AK5: variants seen among roughly 807,000 people sequenced by gnomAD.
The protein encoded by AK5 is adenylate kinase isoenzyme 5.
A neutral mutation model predicts 69.5 loss-of-function variants in AK5; 27 were observed. The ratio of observed to expected loss-of-function variants is 0.39; its 90% CI spans 0.29 to 0.54. AK5 has a LOEUF of 0.54. Ranked by LOEUF, AK5 falls within the 20% of genes least tolerant of loss-of-function variation. The pLI is 0.71. For synonymous variants in AK5, 260 were observed against 244.4 expected (o/e 1.06, Z -0.60); for missense variants, 531 against 700.4 (o/e 0.76, Z 2.73).
chr1:77,299,397 A>C (rs1381297513), intron 5 of AK5, among the ~76,000 whole-genome samples: 1 of 152,120 alleles, frequency 6.6e-6, no homozygotes, highest in African/African-American at 2.4e-5. Flanking sequence ...GTAAAATATG[A>C]TGTCAGTTTA....
chr1:77,548,287 A>C (rs1160383444), intron 13 of AK5, among the ~76,000 whole-genome samples: 1 of 152,178 alleles, frequency 6.6e-6, no homozygotes, highest in African/African-American at 2.4e-5. Flanking sequence ...TTTGATAACG[A>C]GGAGAACTGT....
At chr1:77,320,124 A>C (rs1011431013) in intron 5 of AK5, among the ~76,000 whole-genome samples, 1 of 152,200 alleles carries the variant, frequency 6.6e-6, no homozygotes, top group Non-Finnish European at 1.5e-5. Flanking sequence ...ACAGGGCGGC[A>C]GGAAGAAGTG....
chr1:77,429,344 A>G (rs925510142), intron 8 of AK5, among the ~76,000 whole-genome samples: 1 of 152,132 alleles, frequency 6.6e-6, no homozygotes, highest in Non-Finnish European at 1.5e-5. Context: ...TCATTTCTCC[A>G]ATGGCCAGTG....
At chr1:77,323,636 A>C (rs1660644955) in intron 5 of AK5, among the ~76,000 whole-genome samples, 1 of 152,216 alleles carries the variant, frequency 6.6e-6, no homozygotes, top group Admixed American at 6.5e-5. Flanking sequence ...GCCTTTCCAT[A>C]TCTGAACTTC....
At chr1:77,305,886 A>G (rs1659607622) in intron 5 of AK5, among the ~76,000 whole-genome samples, 1 of 151,968 alleles carries the variant, frequency 6.6e-6, no homozygotes, top group African/African-American at 2.4e-5. Context: ...GAAGAATGTC[A>G]TTGGTATTTT....
chr1:77,519,070 C>A (rs1026145121), intron 11 of AK5, among the ~76,000 whole-genome samples: 2 of 152,076 alleles, frequency 1.3e-5, no homozygotes, highest in East Asian at 3.8e-4. Context: ...AATTAGAAAC[C>A]CCCAGAAAAT....
At chr1:77,393,369 C>G (rs1410091394) in intron 6 of AK5, among the ~76,000 whole-genome samples, 2 of 152,198 alleles carry the variant, frequency 1.3e-5, no homozygotes, top group East Asian at 3.9e-4. Flanking sequence ...CTGCTTGATT[C>G]AAAAGCGATT....
intron 1 of AK5, 87 bp downstream of exon 1, chr1:77,282,460 T>A (rs1410172903): frequency 1.4e-6 from 2 of 1,465,992 alleles, no homozygotes; most frequent in African/African-American, 2.9e-5. Flanking sequence ...CCGTCCCACC[T>A]TCCCCACACG....
intron 5 of AK5, among the ~76,000 whole-genome samples, chr1:77,322,520 A>G (rs1660588310): frequency 1.3e-5 from 2 of 152,206 alleles, no homozygotes; most frequent in African/African-American, 4.8e-5. Context: ...GTACAGCTTT[A>G]CCATGTGGAG....
chr1:77,297,032 C>A (rs6698996), intron 3 of AK5, among the ~76,000 whole-genome samples: 15,337 of 152,004 alleles, frequency 0.1, 963 homozygotes, highest in East Asian at 0.2. Context: ...CTCTAGAATT[C>A]AAAGGATATA....
chr1:77,434,973 C>A (rs947629713), intron 8 of AK5, among the ~76,000 whole-genome samples: 1 of 152,130 alleles, frequency 6.6e-6, no homozygotes, highest in African/African-American at 2.4e-5. Context: ...TCAAACATAT[C>A]AAGAAAAACC....
intron 13 of AK5, among the ~76,000 whole-genome samples, chr1:77,553,417 G>T (rs910774283): frequency 3.5e-4 from 53 of 152,330 alleles, no homozygotes; most frequent in Admixed American, 2.0e-4. Flanking sequence ...AACTGAGGCT[G>T]AAAAGTCCCA....
At chr1:77,525,583 G>A (rs1483497072) in intron 12 of AK5, among the ~76,000 whole-genome samples, 3 of 152,128 alleles carry the variant, frequency 2.0e-5, no homozygotes, top group Non-Finnish European at 4.4e-5. Context: ...CTTAGAGAAT[G>A]AGAACTCAGT....
intron 10 of AK5, among the ~76,000 whole-genome samples, chr1:77,509,182 A>G (rs763223958): frequency 3.9e-5 from 6 of 152,178 alleles, no homozygotes; most frequent in East Asian, 1.9e-4. Flanking sequence ...CTGATATACT[A>G]TACACGGGCA....
In AK5 at chr1:77,493,183, A is replaced by G. The variant is rs981046341; in HGVS notation, c.1147+6831A>G. Among the ~76,000 whole-genome samples the G allele has an allele frequency of 2.6e-5, 4 of 152,256 alleles. No homozygotes were observed. In the East Asian group the frequency reaches 7.7e-4, roughly 29 times the overall value. On this transcript the variant is annotated intron_variant, in intron 10 of 13. Transcript: ENST00000354567. Reference sequence around the variant, plus strand: ...TGGCATTTGAATCAGTGGACTGAGTAAGGAAGATCCACCCTCACCAGTGTG... The same window carrying G: ...TGGCATTTGAATCAGTGGACTGAGTGAGGAAGATCCACCCTCACCAGTGTG...
chr1:77,531,864 G>C (rs1658624755), intron 12 of AK5, among the ~76,000 whole-genome samples: 1 of 151,182 alleles, frequency 6.6e-6, no homozygotes, highest in African/African-American at 2.4e-5. Flanking sequence ...TGGGGGGGAA[G>C]GCTCAGGCAT....
At chr1:77,338,659 G>T (rs1250220779) in intron 5 of AK5, among the ~76,000 whole-genome samples, 1 of 152,080 alleles carries the variant, frequency 6.6e-6, no homozygotes, top group African/African-American at 2.4e-5. Flanking sequence ...TCTAAGCCTT[G>T]GAAAACACCC....
At chr1:77,402,124 T>C (rs1382976818) in intron 6 of AK5, among the ~76,000 whole-genome samples, 1 of 152,196 alleles carries the variant, frequency 6.6e-6, no homozygotes, top group Non-Finnish European at 1.5e-5. Flanking sequence ...TCTATTGTCC[T>C]GCAATTATAT....
rs1341962087 is a variant in AK5 at position 77,295,679 on chromosome 1, T to G, written c.415+1719T>G. Reference sequence around the variant, plus strand: ...CGTGGACAGAACACATTCTTTCTATTTTGTTGTTCTTGCTGCTAGTAATAA... The same window carrying G: ...CGTGGACAGAACACATTCTTTCTATGTTGTTGTTCTTGCTGCTAGTAATAA... On this transcript the variant is annotated intron_variant, in intron 3 of 13. Transcript: ENST00000354567. Among the ~76,000 whole-genome samples the G allele has an allele frequency of 3.9e-5, 6 of 152,280 alleles. No homozygotes were observed. The East Asian group carries it at 9.7e-4, about 24-fold the overall frequency.
Sources: gnomAD v4.1 joint callset for allele counts (sites outside exome capture counted in the v4.1 genomes callset) on GRCh38, gnomAD v4.1.1 for gene constraint, MANE v1.5 for transcripts, NCBI Gene and HGNC (gene_info 2026-07-23, HGNC 2026-07-21) for gene names.